MID1: variants seen among roughly 807,000 people sequenced by gnomAD.
MID1 encodes E3 ubiquitin-protein ligase Midline-1.
MID1 carries 7 observed loss-of-function variants against 40.4 expected under a neutral mutation model. That is an observed-to-expected ratio of 0.17 (90% CI 0.10 to 0.33). The LOEUF (loss-of-function observed/expected upper bound fraction) is 0.33. MID1 is among the 10% of genes least tolerant of loss of function. The pLI is 1.00. For synonymous variants in MID1, 229 were observed against 221.2 expected (o/e 1.04, Z -0.31); for missense variants, 367 against 558.5 (o/e 0.66, Z 3.46).
At chrX:10,460,584 A>C (rs1928966191) in intron 7 of MID1, among the ~76,000 whole-genome samples, 1 of 111,146 alleles carries the variant, frequency 9.0e-6, no homozygotes, top group South Asian at 3.9e-4. Context: ...TCTCCACTCC[A>C]ATAGAACCTT....
chrX:10,649,472 G>C (rs186683169), intron 1 of MID1, among the ~76,000 whole-genome samples: 1 of 112,123 alleles, frequency 8.9e-6, no homozygotes, highest in Admixed American at 9.5e-5. Context: ...ATGTGAGCAA[G>C]CAAAATGTGT....
chrX:10,501,495 T>C, intron 3 of MID1: 1 of 1,152,778 alleles, frequency 8.7e-7, no homozygotes, highest in South Asian at 1.9e-5. Context: ...GCTGACCCAC[T>C]TTCTCCTATT....
At chrX:10,706,862 A>T (rs2043235087) in intron 1 of MID1, among the ~76,000 whole-genome samples, 1 of 111,955 alleles carries the variant, frequency 8.9e-6, no homozygotes, top group Non-Finnish European at 1.9e-5. Flanking sequence ...TCTCAATAGA[A>T]ATATGTTTTA....
At chrX:10,798,311 G>T (rs895099727) in intron 1 of MID1, among the ~76,000 whole-genome samples, 4 of 111,905 alleles carry the variant, frequency 3.6e-5, no homozygotes, top group African/African-American at 1.3e-4. Context: ...TTGTCCACGT[G>T]ACTGGGAGCC....
chrX:10,509,961 T>C (rs1374834817), intron 3 of MID1, among the ~76,000 whole-genome samples: 1 of 112,383 alleles, frequency 8.9e-6, no homozygotes, highest in African/African-American at 3.2e-5. Flanking sequence ...ACCATCAAGA[T>C]TTTTGTTCAA....
At chrX:10,809,906 A>G (rs913211934) in intron 1 of MID1, among the ~76,000 whole-genome samples, 1 of 111,133 alleles carries the variant, frequency 9.0e-6, no homozygotes, top group African/African-American at 3.3e-5. Context: ...CCTAGAACTT[A>G]AAGTATAATA....
rs1380549155 is a variant in MID1, at chrX:10,522,973, C to T, written c.756+119G>A. On this transcript the variant is annotated intron_variant, in intron 3 of 9. Coordinates refer to ENST00000317552, the MANE Select transcript of MID1 (RefSeq NM_000381.4). ...CCTCCATCTTTTATTTTGGCTTTTGCAAAATATTTAATTTTAAGAAAGATT... is the reference window on the plus strand; with the variant it reads ...CCTCCATCTTTTATTTTGGCTTTTGTAAAATATTTAATTTTAAGAAAGATT... 22 of 613,577 alleles carry T rather than the reference C, an allele frequency of 3.6e-5. No homozygotes were observed. The Admixed American group carries it at 6.0e-4, about 17-fold the overall frequency. The allele number at this position is 613,577 out of a possible 1,213,427, so 50.6% of individuals were successfully genotyped here. A position where few individuals can be genotyped will look rare whatever the true frequency, so the allele number is the denominator to read the frequency against.
At chrX:10,726,715 G>C (rs1461498878) in intron 1 of MID1, among the ~76,000 whole-genome samples, 2 of 112,544 alleles carry the variant, frequency 1.8e-5, no homozygotes, top group Non-Finnish European at 3.7e-5. Context: ...AACTGTGGTG[G>C]TATCACATGT....
intron 3 of MID1, chrX:10,501,465 A>C (rs988030710): frequency 1.7e-6 from 2 of 1,153,764 alleles, no homozygotes; most frequent in Non-Finnish European, 2.3e-6. Context: ...TCTCCCCATC[A>C]GTCTTGCCTG....
At chrX:10,502,186 C>A (rs1369724213) in intron 3 of MID1, among the ~76,000 whole-genome samples, 1 of 110,712 alleles carries the variant, frequency 9.0e-6, no homozygotes, top group Admixed American at 9.7e-5. Context: ...TAGGATGGAG[C>A]ATGAGTGAAG....
rs112207492 is a variant in MID1, at chrX:10,787,745, C to A, written c.-187+45809G>T. Among the ~76,000 whole-genome samples, 754 of 105,399 alleles carry A rather than the reference C, an allele frequency of 7.2e-3. 10 individuals carry two copies. The highest frequency in any genetic ancestry group is 0.025 in the African/African-American group (710 of 28,931). The allele number at this position is 105,399 out of a possible 115,157, so 91.5% of individuals were successfully genotyped here. A position where few individuals can be genotyped will look rare whatever the true frequency, so the allele number is the denominator to read the frequency against. ...CTTCTATCTAAAGAAAGGCAAAAAA[C>A]CACTTTTCTTCCTAACAGGAATTTC... On this transcript the variant is annotated intron_variant, in intron 1 of 10. Transcript: ENST00000380785.
chrX:10,505,637 G>T (rs1931791567), intron 3 of MID1: 1 of 750,864 alleles, frequency 1.3e-6, no homozygotes, highest in Non-Finnish European at 1.6e-6. Context: ...ATTTGATGTT[G>T]TGGTCAGAGG....
intron 3 of MID1, among the ~76,000 whole-genome samples, chrX:10,510,409 A>G (rs1213721309): frequency 1.8e-5 from 2 of 112,102 alleles, no homozygotes; most frequent in African/African-American, 6.5e-5. Flanking sequence ...GCATTTATCA[A>G]TTTAACACAT....
At chrX:10,786,918 T>C (rs184667165) in intron 1 of MID1, among the ~76,000 whole-genome samples, 2,835 of 109,488 alleles carry the variant, frequency 0.026, 108 homozygotes, top group African/African-American at 0.09. Context: ...GTGGCACATG[T>C]ATACATATGT....
intron 8 of MID1, 100 bp downstream of exon 8, chrX:10,459,546 A>G: frequency 1.0e-6 from 1 of 956,970 alleles, no homozygotes; most frequent in African/African-American, 1.9e-5. Flanking sequence ...GGGGCTGTCA[A>G]TGATACCCAA....
At chrX:10,814,957 T>C (rs781201379) in intron 1 of MID1, among the ~76,000 whole-genome samples, 1 of 111,363 alleles carries the variant, frequency 9.0e-6, no homozygotes, top group East Asian at 2.8e-4. Context: ...CTGAAGGACA[T>C]TTGGATTGTT....
At chrX:10,453,768 T>C (rs1928487083) in intron 9 of MID1, among the ~76,000 whole-genome samples, 1 of 111,979 alleles carries the variant, frequency 8.9e-6, no homozygotes, top group Admixed American at 9.5e-5. Flanking sequence ...ACAGATAATG[T>C]TTGTGGACTG....
At chrX:10,716,322 G>C (rs1170598541) in intron 1 of MID1, among the ~76,000 whole-genome samples, 1 of 111,659 alleles carries the variant, frequency 9.0e-6, no homozygotes, top group Non-Finnish European at 1.9e-5. Context: ...TGGCTGACTA[G>C]AATAACCAAT....
At chrX:10,519,710 C>CG (rs772641034) in intron 3 of MID1, among the ~76,000 whole-genome samples, 1 of 112,122 alleles carries the variant, frequency 8.9e-6, no homozygotes, top group South Asian at 3.8e-4. Context: ...TAACCTCCAT[C>CG]AGCACCTCAA....
Sources: allele counts gnomAD v4.1 joint callset (sites outside exome capture counted in the v4.1 genomes callset), GRCh38; gene constraint gnomAD v4.1.1; transcripts MANE v1.5; gene names NCBI Gene and HGNC (gene_info 2026-07-23, HGNC 2026-07-21).